The following PLCB1 variants were observed in gnomAD, a reference collection of about 807,000 sequenced individuals.
PLCB1 encodes the protein 1-phosphatidylinositol 4,5-bisphosphate phosphodiesterase beta-1.
In PLCB1, 46 loss-of-function variants were observed where a neutral mutation model predicts 161.8. The observed-to-expected ratio is 0.28, with a 90% CI of 0.22 to 0.36. The LOEUF is 0.36. Among genes scored for constraint, PLCB1 ranks in the 10% least tolerant of loss-of-function variants. The pLI, the probability that PLCB1 is intolerant of heterozygous loss-of-function variation, is 1.00. For missense variants in PLCB1, 1,016 were observed against 1,472.5 expected, an observed-to-expected ratio of 0.69 and a Z score of 5.07; for synonymous variants, 517 against 503.7, an observed-to-expected ratio of 1.03 and a Z score of -0.35.
chr20:8,211,159 G>T (rs1978804576), intron 2 of PLCB1, among the ~76,000 whole-genome samples: 1 of 152,060 alleles, frequency 6.6e-6, no homozygotes, highest in Non-Finnish European at 1.5e-5. Flanking sequence ...TTTGTTTGGT[G>T]CCCCAGAGGA....
At chr20:8,644,404 G>C (rs1465953583) in intron 4 of PLCB1, among the ~76,000 whole-genome samples, 9 of 144,548 alleles carry the variant, frequency 6.2e-5, no homozygotes, top group Non-Finnish European at 1.2e-4. Flanking sequence ...GTCTCTGCCC[G>C]GCCACCCATC....
intron 19 of PLCB1, 47 bp downstream of exon 19, chr20:8,733,439 T>C: frequency 6.7e-7 from 1 of 1,501,530 alleles, no homozygotes; most frequent in Non-Finnish European, 9.3e-7. Flanking sequence ...AGTGTTGAAT[T>C]TATCTACATT....
At chr20:8,348,559 A>G (rs867650234) in intron 2 of PLCB1, among the ~76,000 whole-genome samples, 1 of 152,168 alleles carries the variant, frequency 6.6e-6, no homozygotes, top group Non-Finnish European at 1.5e-5. Context: ...GAGATGCTGC[A>G]TACTGGGGAT....
At chr20:8,417,914 G>A (rs1979374180) in intron 3 of PLCB1, among the ~76,000 whole-genome samples, 1 of 152,206 alleles carries the variant, frequency 6.6e-6, no homozygotes, top group South Asian at 2.1e-4. Context: ...GGACTCCTAA[G>A]TGTTACACAC....
intron 3 of PLCB1, among the ~76,000 whole-genome samples, chr20:8,564,562 G>A (rs2123032539): frequency 6.6e-6 from 1 of 152,140 alleles, no homozygotes; most frequent in South Asian, 2.1e-4. Flanking sequence ...TACAGAATGG[G>A]AGAAAATTTT....
intron 9 of PLCB1, among the ~76,000 whole-genome samples, chr20:8,670,874 T>G (rs1449511822): frequency 6.6e-6 from 1 of 152,208 alleles, no homozygotes; most frequent in East Asian, 1.9e-4. Flanking sequence ...CTAGCAGAAT[T>G]CGCAAGGGCC....
intron 2 of PLCB1, chr20:8,371,035 C>A (rs1171635068): frequency 5.0e-6 from 1 of 200,290 alleles, no homozygotes; most frequent in African/African-American, 2.3e-5. Context: ...TCTCTACCGA[C>A]ATACCCTCAT....
At chr20:8,334,398 C>T (rs764766812) in intron 2 of PLCB1, among the ~76,000 whole-genome samples, 1 of 152,172 alleles carries the variant, frequency 6.6e-6, no homozygotes, top group Non-Finnish European at 1.5e-5. Flanking sequence ...AAAACATTTA[C>T]TATAATCACT....
chr20:8,640,625 A>G (rs1988921657), intron 4 of PLCB1, among the ~76,000 whole-genome samples: 1 of 152,222 alleles, frequency 6.6e-6, no homozygotes, highest in Non-Finnish European at 1.5e-5. Context: ...ATCCACAAAA[A>G]TGAAACTTTG....
intron 17 of PLCB1, among the ~76,000 whole-genome samples, chr20:8,728,257 G>T (rs906122290): frequency 2.6e-5 from 4 of 152,026 alleles, no homozygotes; most frequent in Non-Finnish European, 5.9e-5. Context: ...TTTGTCCAAG[G>T]TTATTCAGCT....
intron 3 of PLCB1, among the ~76,000 whole-genome samples, chr20:8,539,837 G>A (rs546084166): frequency 1.6e-4 from 24 of 145,800 alleles, no homozygotes; most frequent in African/African-American, 6.1e-4. Flanking sequence ...ATTTAAATAA[G>A]TAACATTAAT....
intron 31 of PLCB1, among the ~76,000 whole-genome samples, chr20:8,869,442 A>G (rs983901296): frequency 2.0e-5 from 3 of 152,202 alleles, no homozygotes; most frequent in African/African-American, 7.2e-5. Context: ...AGCTGGGCTG[A>G]CGTGGCCTGC....
intron 23 of PLCB1, among the ~76,000 whole-genome samples, chr20:8,754,187 G>A (rs6118303): frequency 1.3e-5 from 2 of 152,008 alleles, no homozygotes; most frequent in Non-Finnish European, 2.9e-5. Flanking sequence ...CTTTTTGGAA[G>A]GTGGAGGCTT....
chr20:8,852,678 A>G (rs926207863), intron 31 of PLCB1, among the ~76,000 whole-genome samples: 1 of 152,244 alleles, frequency 6.6e-6, no homozygotes. Context: ...CTAAGATTGG[A>G]AAGTGCCAGA....
chr20:8,732,708 A>G (rs939749585), intron 18 of PLCB1, among the ~76,000 whole-genome samples: 7 of 145,924 alleles, frequency 4.8e-5, no homozygotes, highest in East Asian at 2.0e-4. Context: ...TATATTTAAT[A>G]TATCATTCTA....
chr20:8,798,045 A>T (rs545368060), intron 31 of PLCB1, among the ~76,000 whole-genome samples: 2 of 152,226 alleles, frequency 1.3e-5, no homozygotes, highest in East Asian at 3.9e-4. Flanking sequence ...AACAATACAA[A>T]CATTAGTCAG....
At chr20:8,554,712 C>A (rs1250091539) in intron 3 of PLCB1, among the ~76,000 whole-genome samples, 3 of 152,028 alleles carry the variant, frequency 2.0e-5, no homozygotes, top group African/African-American at 7.2e-5. Context: ...TGCATTGATC[C>A]ATATGTTTAT....
At chr20:8,879,044 G>A (rs916124251) in intron 31 of PLCB1, among the ~76,000 whole-genome samples, 1 of 152,054 alleles carries the variant, frequency 6.6e-6, no homozygotes, top group Non-Finnish European at 1.5e-5. Flanking sequence ...CCACTTATAA[G>A]TGAGACTGTG....
chr20:8,142,120 G>C (rs1329071334), intron 1 of PLCB1, among the ~76,000 whole-genome samples: 1 of 152,134 alleles, frequency 6.6e-6, no homozygotes. Context: ...TTTCCCTAGG[G>C]GAGAGCATAG....
Sources: gnomAD v4.1 joint callset for allele counts (sites outside exome capture counted in the v4.1 genomes callset) on GRCh38, gnomAD v4.1.1 for gene constraint, MANE v1.5 for transcripts, NCBI Gene and HGNC (gene_info 2026-07-23, HGNC 2026-07-21) for gene names.